TTC34: variants seen among roughly 807,000 people sequenced by gnomAD.
TTC34 encodes the protein tetratricopeptide repeat protein 34.
A neutral mutation model predicts 40.7 loss-of-function variants in TTC34; 44 were observed. The ratio of observed to expected loss-of-function variants is 1.08; its 90% confidence interval spans 0.85 to 1.39. The LOEUF is 1.39. Ranked by LOEUF, TTC34 falls within the 40% of genes most tolerant of loss-of-function variation. The probability of loss-of-function intolerance (pLI) is 0.00; values close to 1 mark genes in which losing one functional copy is unlikely to be tolerated. For synonymous variants in TTC34, 422 were observed against 398.6 expected (o/e 1.06, Z -0.70); for missense variants, 884 against 838.0 (o/e 1.05, Z -0.68).
At chr1:2,751,918 C>G (rs1641333460) in intron 6 of TTC34, among the ~76,000 whole-genome samples, 1 of 111,376 alleles carries the variant, frequency 9.0e-6, no homozygotes. Flanking sequence ...TGGTCTGGAG[C>G]AGCACGCATA....
At chr1:2,651,001 C>T (rs748214334) in intron 6 of TTC34, among the ~76,000 whole-genome samples, 1 of 149,976 alleles carries the variant, frequency 6.7e-6, no homozygotes, top group Non-Finnish European at 1.5e-5. Context: ...CAATAAGCAT[C>T]TGATAGCCTG....
In TTC34 at chr1:2,786,031, G is replaced by A. The variant is rs772345736; in HGVS notation, c.1855-8C>T. On this transcript the variant is annotated splice_region_variant and splice_polypyrimidine_tract_variant and intron_variant, in intron 4 of 8. Transcript: ENST00000401095. Reference sequence around the variant, plus strand: ...GACCAGCTTCTTCACCAACTGCAAGGGTGCCACAGTCACTGCCCATGCCCT... The same window carrying A: ...GACCAGCTTCTTCACCAACTGCAAGAGTGCCACAGTCACTGCCCATGCCCT... 2 of 1,457,016 alleles carry A rather than the reference G, an allele frequency of 1.4e-6. No individual in the cohort carries two copies. The highest frequency in any genetic ancestry group is 2.8e-5 in the South Asian group (2 of 71,168). The allele number at this position is 1,457,016 out of a possible 1,614,324, so 90.3% of individuals were successfully genotyped here. A position where few individuals can be genotyped will look rare whatever the true frequency, so the allele number is the denominator to read the frequency against.
At position 2,654,882 on chromosome 1, in the gene TTC34, C is replaced by G. The variant is rs550020229; in HGVS notation, c.2227-9319G>C. Among the ~76,000 whole-genome samples, 8 of 148,102 alleles carry G rather than the reference C, an allele frequency of 5.4e-5. No homozygotes were observed. In the South Asian group the frequency reaches 1.7e-3, roughly 32 times the overall value. ...CGAGTGAGGATCAGACAGCCTGGAG[C>G]AGCACCCACACTCCAGGTGAGCATC... On this transcript the variant is annotated intron_variant, in intron 6 of 8. Coordinates refer to ENST00000401095, the Ensembl canonical transcript of TTC34.
chr1:2,799,653 A>G (rs1643751907), intron 2 of TTC34, among the ~76,000 whole-genome samples: 1 of 152,046 alleles, frequency 6.6e-6, no homozygotes, highest in Non-Finnish European at 1.5e-5. Flanking sequence ...CACAGCTGCC[A>G]TCTTCAGTCT....
intron 3 of TTC34, 33 bp from the exon 4 acceptor site, chr1:2,787,739 CT>C: frequency 6.8e-7 from 1 of 1,474,490 alleles, no homozygotes; most frequent in Non-Finnish European, 9.1e-7. Flanking sequence ...GGGCATGCCC[CT>C]TTTGACAACC....
intron 2 of TTC34, among the ~76,000 whole-genome samples, chr1:2,798,577 C>T (rs1189432051): frequency 8.2e-6 from 1 of 121,298 alleles, no homozygotes; most frequent in Non-Finnish European, 1.7e-5. Context: ...CTCCCAGCCC[C>T]TCAGCTCCCC....
chr1:2,771,603 C>T (rs1642164421), intron 6 of TTC34, among the ~76,000 whole-genome samples: 1 of 57,046 alleles, frequency 1.8e-5, no homozygotes, highest in South Asian at 1.1e-3. Context: ...AGCGCCCACA[C>T]CCCCAAGTGA....
chr1:2,751,388 T>A (rs1243327005), intron 6 of TTC34, among the ~76,000 whole-genome samples: 2 of 108,734 alleles, frequency 1.8e-5, no homozygotes, highest in African/African-American at 3.8e-5. Flanking sequence ...CATCTGATGG[T>A]CTGGAGCAGC....
At chr1:2,784,382 A>T (rs1381887767) in intron 5 of TTC34, among the ~76,000 whole-genome samples, 1 of 152,234 alleles carries the variant, frequency 6.6e-6, no homozygotes, top group African/African-American at 2.4e-5. Flanking sequence ...ATGAAAGTGG[A>T]CAAGGAACGT....
chr1:2,683,686 A>G (rs537264327), intron 6 of TTC34, among the ~76,000 whole-genome samples: 238 of 146,324 alleles, frequency 1.6e-3, no homozygotes, highest in African/African-American at 6.0e-3. Context: ...CCAGGTGACG[A>G]TCTGACAGCC....
chr1:2,752,315 G>T (rs1430974259), intron 6 of TTC34, among the ~76,000 whole-genome samples: 1 of 123,554 alleles, frequency 8.1e-6, no homozygotes, highest in Non-Finnish European at 1.7e-5. Flanking sequence ...CTGACAGCCT[G>T]GAACAGCACG....
At chr1:2,769,548 C>A (rs1348877206) in intron 6 of TTC34, among the ~76,000 whole-genome samples, 1 of 125,314 alleles carries the variant, frequency 8.0e-6, no homozygotes, top group Admixed American at 7.9e-5. Context: ...GCACCCCACA[C>A]CTCCAGGGGA....
chr1:2,781,395 T>C lies in TTC34; in HGVS notation c.2226+2214A>G, dbSNP rs1033482457. Among the ~76,000 whole-genome samples, 6 of 152,246 alleles carry C rather than the reference T, an allele frequency of 3.9e-5. 1 individual carries two copies. The East Asian group carries it at 1.2e-3, about 29-fold the overall frequency. ...GTGTTGCCTTCGTATCCTGCTACTT[T>C]GCTGAATTCATTTATTAGTTCTAAC... On this transcript the variant is annotated intron_variant, in intron 6 of 8. Coordinates refer to ENST00000401095, the Ensembl canonical transcript of TTC34.
chr1:2,789,325 CCGGA>C (rs1643632626), intron 3 of TTC34, among the ~76,000 whole-genome samples, 174 bp downstream of exon 3: 1 of 152,238 alleles, frequency 6.6e-6, no homozygotes, highest in Non-Finnish European at 1.5e-5. Context: ...ATTTCCATTT[CCGGA>C]CTGCGGCCCG....
chr1:2,797,305 T>C (rs1643717893), intron 2 of TTC34, among the ~76,000 whole-genome samples: 1 of 145,154 alleles, frequency 6.9e-6, no homozygotes, highest in African/African-American at 2.9e-5. Context: ...TGGCCTGGGA[T>C]GGGGGCTGGG....
At chr1:2,748,776 C>T (rs1330021937) in intron 6 of TTC34, among the ~76,000 whole-genome samples, 5 of 78,296 alleles carry the variant, frequency 6.4e-5, no homozygotes, top group African/African-American at 1.3e-4. Context: ...GGAGAGCATC[C>T]GGCAGCCTGG....
chr1:2,783,488 A>G, intron 6 of TTC34, 121 bp downstream of exon 6: 1 of 1,039,038 alleles, frequency 9.6e-7, no homozygotes, highest in Non-Finnish European at 1.3e-6. Context: ...ATGGGTTTTG[A>G]TGGGCATCTC....
At chr1:2,666,029 A>T (rs2100269051) in intron 6 of TTC34, among the ~76,000 whole-genome samples, 1 of 55,334 alleles carries the variant, frequency 1.8e-5, no homozygotes, top group Middle Eastern at 0.014. Context: ...AGCATCTGAC[A>T]GCCTGGAACA....
At chr1:2,647,236 G>A (rs990874347) in intron 6 of TTC34, among the ~76,000 whole-genome samples, 11 of 151,996 alleles carry the variant, frequency 7.2e-5, no homozygotes, top group South Asian at 2.1e-4. Context: ...TTCATTCTCC[G>A]TATTCTCTGG....
Sources: allele counts gnomAD v4.1 joint callset (sites outside exome capture counted in the v4.1 genomes callset), GRCh38; gene constraint gnomAD v4.1.1; transcripts MANE v1.5; gene names NCBI Gene and HGNC (gene_info 2026-07-23, HGNC 2026-07-21).